Variants in RERGL observed in about 807,000 individuals in gnomAD.
The protein encoded by RERGL is ras-related and estrogen-regulated growth inhibitor-like protein.
In RERGL, 22 loss-of-function variants were observed where a neutral mutation model predicts 24.7. That is an observed-to-expected ratio of 0.89 (90% confidence interval 0.64 to 1.27). The LOEUF is 1.27. Among genes scored for constraint, RERGL ranks in the 50% most tolerant of loss-of-function variants. RERGL has a pLI of 0.00. For synonymous variants in RERGL, 76 were observed against 82.6 expected (o/e 0.92, Z 0.43); for missense variants, 259 against 235.3 (o/e 1.10, Z -0.66).
intron 3 of RERGL, among the ~76,000 whole-genome samples, chr12:18,085,073 G>T (rs544983817): frequency 6.6e-6 from 1 of 152,084 alleles, no homozygotes; most frequent in East Asian, 1.9e-4. Context: ...TATTATAAGG[G>T]TTTAGCTAAA....
chr12:18,087,293 G>C (rs1947229527), intron 2 of RERGL, among the ~76,000 whole-genome samples: 1 of 152,112 alleles, frequency 6.6e-6, no homozygotes, highest in South Asian at 2.1e-4. Flanking sequence ...CAGAGGATTA[G>C]GGTTGACTTC....
intron 4 of RERGL, among the ~76,000 whole-genome samples, chr12:18,082,427 C>T (rs557964437): frequency 1.3e-5 from 2 of 152,234 alleles, no homozygotes; most frequent in South Asian, 4.1e-4. Context: ...GTACAACAAA[C>T]CTCCATGACA....
At chr12:18,083,739 T>C (rs1947193587) in intron 4 of RERGL, among the ~76,000 whole-genome samples, 1 of 152,198 alleles carries the variant, frequency 6.6e-6, no homozygotes, top group African/African-American at 2.4e-5. Flanking sequence ...AGTAATAATA[T>C]TGTGCTTTTC....
intron 2 of RERGL, among the ~76,000 whole-genome samples, chr12:18,087,865 C>A (rs1276317352): frequency 6.6e-6 from 1 of 151,990 alleles, no homozygotes; most frequent in Non-Finnish European, 1.5e-5. Flanking sequence ...AGGAATTTTT[C>A]TTTTTACGTT....
intron 2 of RERGL, among the ~76,000 whole-genome samples, chr12:18,086,536 A>T (rs2136832106): frequency 6.6e-6 from 1 of 152,168 alleles, no homozygotes; most frequent in East Asian, 1.9e-4. Context: ...ACCTCCTTAA[A>T]GTATTTCCTT....
intron 2 of RERGL, 149 bp downstream of exon 2, chr12:18,088,751 T>G: frequency 1.6e-6 from 1 of 634,512 alleles, no homozygotes; most frequent in Non-Finnish European, 2.8e-6. Context: ...GTACCTATTT[T>G]GGCAGTTCTA....
chr12:18,082,146 A>AG (rs1947179952), intron 4 of RERGL, among the ~76,000 whole-genome samples: 1 of 147,770 alleles, frequency 6.8e-6, no homozygotes, highest in East Asian at 1.9e-4. Context: ...TCTCAACCAA[A>AG]AAAAAAAAAA....
chr12:18,081,527 T>C (rs11043840), intron 4 of RERGL, 54 bp from the exon 5 acceptor site: 1 of 1,059,082 alleles, frequency 9.4e-7, no homozygotes, highest in African/African-American at 1.7e-5. Flanking sequence ...CTCTTTTTTT[T>C]AAAAAAAAAA....
intron 4 of RERGL, among the ~76,000 whole-genome samples, chr12:18,084,044 T>C (rs1404235065): frequency 6.6e-6 from 1 of 152,178 alleles, no homozygotes; most frequent in Non-Finnish European, 1.5e-5. Flanking sequence ...GAGAAAAATG[T>C]ATTCTCATAT....
Position 18,081,146 on chromosome 12 carries a change from T to G in RERGL, c.*45A>C. ...GGTTAGTTTAATTATCATGTGAATG[T>G]TTGAAACTCTCTGATATAGGAAATC... On this transcript the variant is annotated 3_prime_UTR_variant, in exon 5 of 5. Coordinates refer to ENST00000538724, the MANE Select transcript of RERGL (RefSeq NM_001286201.2). 6.6e-7 allele frequency: 1 copy of G among 1,521,780 alleles called. No homozygotes were observed. The highest frequency in any genetic ancestry group is 8.9e-7 in the Non-Finnish European group (1 of 1,127,428). 94.3% of individuals were successfully genotyped at this position (1,521,780 alleles called of 1,614,324 possible).
At chr12:18,085,758 C>A (rs1947213396) in intron 2 of RERGL, 65 bp from the exon 3 acceptor site, 1 of 871,668 alleles carries the variant, frequency 1.1e-6, no homozygotes, top group Non-Finnish European at 1.9e-6. Flanking sequence ...ATAAATTCAA[C>A]CACTCACATT....
intron 2 of RERGL, among the ~76,000 whole-genome samples, chr12:18,087,484 T>C (rs1947231447): frequency 6.6e-6 from 1 of 152,176 alleles, no homozygotes; most frequent in Admixed American, 6.5e-5. Flanking sequence ...GCAAGTGTCA[T>C]CAATTCTCAC....
Position 18,088,903 on chromosome 12 carries a change from A to G in RERGL, c.106T>C (p.Phe36Leu), listed in dbSNP as rs747079877. Residue 36 changes from phenylalanine to leucine, a missense_variant, in exon 2 of 5, where the codon TTT (phenylalanine) becomes CTT (leucine). Coordinates refer to ENST00000538724, the MANE Select transcript of RERGL (RefSeq NM_001286201.2). The part of the protein sequence containing the change: ...KRFIGEYASN[F>L]ESIYKKHLCL... The stretch of plus-strand genomic sequence containing the variant: ...AATGTCTAGAGTAGTGACTTACCAA[A>G]ATTAGAAGCATATTCTCCAATGAAT... 8.1e-6 allele frequency: 13 copies of G among 1,600,064 alleles called. No homozygotes were observed. The East Asian group carries it at 2.7e-4, about 33-fold the overall frequency.
intron 2 of RERGL, among the ~76,000 whole-genome samples, chr12:18,088,340 A>C (rs1333505220): frequency 6.6e-6 from 1 of 152,040 alleles, no homozygotes; most frequent in Non-Finnish European, 1.5e-5. Context: ...TAGTCAAAAA[A>C]CAGAAATTTA....
Position 18,080,966 on chromosome 12 carries a change from T to G in RERGL, c.*225A>C. On this transcript the variant is annotated 3_prime_UTR_variant, in exon 5 of 5. Transcript: ENST00000538724. ...CAGTAGGTTAGGGTGAGTGTGATGTTGTACAATAAATGAAAGGTTCTGTGT... is the reference window on the plus strand; with the variant it reads ...CAGTAGGTTAGGGTGAGTGTGATGTGGTACAATAAATGAAAGGTTCTGTGT... 2 of 398,798 alleles carry G rather than the reference T, an allele frequency of 5.0e-6. No homozygotes were observed. Among genetic ancestry groups the G allele is most frequent in the Non-Finnish European group, 9.0e-6 (2 of 221,456 alleles). 24.7% of individuals were successfully genotyped at this position (398,798 alleles called of 1,614,324 possible).
intron 1 of RERGL, 70 bp from the exon 2 acceptor site, chr12:18,089,026 AGG>A: frequency 7.5e-7 from 1 of 1,326,898 alleles, no homozygotes; most frequent in Non-Finnish European, 1.1e-6. Flanking sequence ...TATGTGCATA[AGG>A]CTTTAGTTCT....
rs149128798 is a variant in RERGL, at chr12:18,083,906, A to G, written c.332+611T>C. Among the ~76,000 whole-genome samples, 66 of 152,338 alleles carry G rather than the reference A, an allele frequency of 4.3e-4. No homozygotes were observed. In the Middle Eastern group the frequency reaches 0.01, roughly 24 times the overall value. On this transcript the variant is annotated intron_variant, in intron 4 of 4. Coordinates refer to ENST00000538724, the MANE Select transcript of RERGL (RefSeq NM_001286201.2). ...TAGGGAAAACTAAAATGGAAAACTC[A>G]GATGCTTAAACTTTGATCTACTAAT... is the stretch of plus-strand genomic sequence containing the variant.
At chr12:18,082,618 A>C (rs1947184694) in intron 4 of RERGL, among the ~76,000 whole-genome samples, 1 of 152,246 alleles carries the variant, frequency 6.6e-6, no homozygotes, top group Admixed American at 6.5e-5. Context: ...AAAGATGCTT[A>C]CTAAGTATTG....
intron 4 of RERGL, among the ~76,000 whole-genome samples, chr12:18,083,053 A>T (rs1159788030): frequency 6.6e-6 from 1 of 152,106 alleles, no homozygotes; most frequent in Admixed American, 6.5e-5. Flanking sequence ...TTCCACTAAA[A>T]GTTGGTTTCA....
Sources: gnomAD v4.1 joint callset for allele counts (sites outside exome capture counted in the v4.1 genomes callset) on GRCh38, gnomAD v4.1.1 for gene constraint, MANE v1.5 for transcripts, NCBI Gene and HGNC (gene_info 2026-07-23, HGNC 2026-07-21) for gene names.